Variants in OTOP1 observed in about 807,000 individuals in gnomAD.
The protein encoded by OTOP1 is proton channel OTOP1.
A neutral mutation model predicts 52.9 loss-of-function variants in OTOP1; 59 were observed. That is an observed-to-expected ratio of 1.12 (90% CI 0.91 to 1.39). The LOEUF (loss-of-function observed/expected upper bound fraction) is 1.39, where lower values mean the gene tolerates loss of function less well. Among genes scored for constraint, OTOP1 ranks in the 40% most tolerant of loss-of-function variants. OTOP1 has a pLI of 0.00. For synonymous variants in OTOP1, 317 were observed against 337.7 expected (o/e 0.94, Z 0.67); for missense variants, 761 against 800.9 (o/e 0.95, Z 0.60).
Position 4,211,647 on chromosome 4 carries a change from C to T in OTOP1, c.540+1221G>A, listed in dbSNP as rs376658877. 1.3e-3 allele frequency among the ~76,000 whole-genome samples: 202 copies of T among 152,300 alleles called. 3 individuals are homozygous for T. The South Asian group carries it at 0.039, about 29-fold the overall frequency. ...GGGCATGGTGATGTGGGCCTGTAGT[C>T]CTACCTGCTAGGGAGACTGAGGCAG... On this transcript the variant is annotated intron_variant, in intron 2 of 5. Transcript: ENST00000296358.
At chr4:4,210,406 C>T (rs556486377) in intron 2 of OTOP1, among the ~76,000 whole-genome samples, 1 of 152,268 alleles carries the variant, frequency 6.6e-6, no homozygotes, top group Admixed American at 6.5e-5. Context: ...CGTCCTGAGG[C>T]TAGAAATCCA....
chr4:4,222,064 A>G (rs1252669071), intron 1 of OTOP1, among the ~76,000 whole-genome samples: 1 of 152,168 alleles, frequency 6.6e-6, no homozygotes, highest in African/African-American at 2.4e-5. Flanking sequence ...TCATTCAATT[A>G]TTTAGTAGAC....
chr4:4,199,054 G>A (rs1716716631), intron 4 of OTOP1, among the ~76,000 whole-genome samples: 1 of 152,010 alleles, frequency 6.6e-6, no homozygotes, highest in Admixed American at 6.6e-5. Context: ...AGCCAGGTGT[G>A]GTGGCAAGCC....
chr4:4,201,469 T>TACACACACAC lies in OTOP1; in HGVS notation c.730+978_730+979insGTGTGTGTGT, dbSNP rs564159690. 9.6e-3 allele frequency among the ~76,000 whole-genome samples: 1,320 copies of TACACACACAC among 137,550 alleles called. 26 individuals carry two copies. Among genetic ancestry groups the TACACACACAC allele is most frequent in the African/African-American group, 0.033 (1,199 of 36,046 alleles). 90.2% of individuals were successfully genotyped at this position (137,550 alleles called of 152,430 possible). A position where few individuals can be genotyped will look rare whatever the true frequency, so the allele number is the denominator to read the frequency against. On this transcript the variant is annotated intron_variant, in intron 4 of 5. Coordinates refer to ENST00000296358, the MANE Select transcript of OTOP1 (RefSeq NM_177998.3). Reference sequence around the variant, plus strand: ...TAGAATAAATAAATAAATATATATATATACACACACACACACACACACACA... The same window carrying TACACACACAC: ...TAGAATAAATAAATAAATATATATATACACACACACATACACACACACACACACACACACA...
chr4:4,197,197 A>G lies in OTOP1; in HGVS notation c.1637T>C (p.Ile546Thr). 3 of 1,612,616 alleles carry G rather than the reference A, an allele frequency of 1.9e-6. No individual in the cohort carries two copies. The highest frequency in any genetic ancestry group is 2.5e-6 in the Non-Finnish European group (3 of 1,179,220). The change falls in exon 5 of 6, where the codon ATT becomes ACT. Residue 546 changes from isoleucine (I) to threonine (T), a missense_variant. Ile to Thr is a moderately conservative substitution (Grantham distance 89). Transcript: ENST00000296358. ...GNAKRKVLRNIAAFLFLCNIS... is the reference protein window; with the variant it reads ...GNAKRKVLRNTAAFLFLCNIS... ...ATTGCAGAGGAACAAGAAGGCTGCA[A>G]TATTCCTCAGGACTTTTCTCTTGGC...
chr4:4,198,125 C>T, intron 4 of OTOP1, 22 bp from the exon 5 acceptor site: 1 of 1,580,766 alleles, frequency 6.3e-7, no homozygotes, highest in Non-Finnish European at 8.7e-7. Context: ...AGGTAGATCA[C>T]ACAGGAGGGC....
Position 4,212,961 on chromosome 4 carries a change from G to C in OTOP1, c.447C>G (p.Cys149Trp), listed in dbSNP as rs746564651. 6.8e-6 allele frequency: 11 copies of C among 1,613,912 alleles called. No homozygotes were observed. In the Admixed American group the frequency reaches 1.8e-4, roughly 27 times the overall value. The change falls in exon 2 of 6, where the codon TGC (cysteine) becomes TGG (tryptophan). Residue 149 changes from cysteine (C) to tryptophan (W), a missense_variant. This residue lies in a region of OTOP1 where 632 missense variants were observed against 619.5 expected (regional missense o/e 1.02). Transcript: ENST00000296358. ...LFAVITVILGCLKIGYFIGFS... is the reference protein window; with the variant it reads ...LFAVITVILGWLKIGYFIGFS... ...ATCCAATGAAGTATCCAATTTTAAG[G>C]CATCCCAGGATGACGGTAATGACTG...
chr4:4,201,059 G>C (rs1490116530), intron 4 of OTOP1, among the ~76,000 whole-genome samples: 1 of 152,106 alleles, frequency 6.6e-6, no homozygotes, highest in South Asian at 2.1e-4. Context: ...ATCATGGCTC[G>C]ATCACGTGTT....
chr4:4,217,575 T>C (rs1717179342), intron 1 of OTOP1, among the ~76,000 whole-genome samples: 1 of 152,140 alleles, frequency 6.6e-6, no homozygotes, highest in Non-Finnish European at 1.5e-5. Flanking sequence ...TAAAGGTCAA[T>C]AAAATAGAGT....
At chr4:4,197,093 T>C (rs760761279) in intron 5 of OTOP1, 73 bp downstream of exon 5, 41 of 1,436,146 alleles carry the variant, frequency 2.9e-5, no homozygotes, top group Admixed American at 1.2e-4. Context: ...CAAATCTGCA[T>C]GTGTACCCCT....
chr4:4,199,022 C>A (rs1262361226), intron 4 of OTOP1, among the ~76,000 whole-genome samples: 4 of 152,048 alleles, frequency 2.6e-5, no homozygotes, highest in African/African-American at 9.7e-5. Context: ...GAAACCTCGT[C>A]TCTATTAAAA....
At chr4:4,220,734 C>T (rs1211628582) in intron 1 of OTOP1, among the ~76,000 whole-genome samples, 3 of 152,154 alleles carry the variant, frequency 2.0e-5, no homozygotes, top group Admixed American at 6.5e-5. Context: ...TTACCAGCTA[C>T]AATACTTGAG....
At chr4:4,224,854 AAGTGAGGAGT>A (rs57714450) in intron 1 of OTOP1, among the ~76,000 whole-genome samples, 66,783 of 151,884 alleles carry the variant, frequency 0.44, 14,763 homozygotes, top group African/African-American at 0.48. Flanking sequence ...TGGCCCATAG[AAGTGAGGAGT>A]AATTCCTGCC....
In OTOP1 at chr4:4,197,171, T is replaced by C. The variant is rs774264922; in HGVS notation, c.1663A>G (p.Ile555Val). 7.5e-6 allele frequency: 12 copies of C among 1,599,712 alleles called. No individual in the cohort carries two copies. Among genetic ancestry groups the C allele is most frequent in the Non-Finnish European group, 1.0e-5 (12 of 1,171,966 alleles). Residue 555 changes from isoleucine to valine, a missense_variant, in exon 5 of 6, where the codon ATT becomes GTT. Physicochemically the swap from Ile to Val is conservative, Grantham distance 29. Coordinates refer to ENST00000296358, the MANE Select transcript of OTOP1 (RefSeq NM_177998.3). ...AATAACTTGGTGCAGATTACCGAAA[T>C]ATTGCAGAGGAACAAGAAGGCTGCA... Reference protein sequence around the residue: ...NIAAFLFLCNISLWIPPAFGC... With the variant: ...NIAAFLFLCNVSLWIPPAFGC...
At chr4:4,208,696 T>C (rs946646038) in intron 2 of OTOP1, among the ~76,000 whole-genome samples, 1 of 152,028 alleles carries the variant, frequency 6.6e-6, no homozygotes, top group African/African-American at 2.4e-5. Flanking sequence ...CTCAGATTGG[T>C]TGTACAACAA....
chr4:4,196,366 A>G (rs1402550101), intron 5 of OTOP1, among the ~76,000 whole-genome samples: 1 of 152,132 alleles, frequency 6.6e-6, no homozygotes, highest in Non-Finnish European at 1.5e-5. Flanking sequence ...AGCCTGGCCA[A>G]CATGGTGAAA....
intron 1 of OTOP1, among the ~76,000 whole-genome samples, chr4:4,222,434 G>A (rs1003598625): frequency 3.3e-5 from 5 of 151,894 alleles, no homozygotes; most frequent in African/African-American, 9.7e-5. Flanking sequence ...TCCTCCTGCC[G>A]CCACTCTTTC....
At chr4:4,197,129 A>C in intron 5 of OTOP1, 37 bp downstream of exon 5, 3 of 1,543,678 alleles carry the variant, frequency 1.9e-6, no homozygotes, top group Non-Finnish European at 2.6e-6. Context: ...AGTTTAAAGT[A>C]AAATTAAAAG....
chr4:4,197,071 T>C lies in OTOP1; in HGVS notation c.1668+95A>G, dbSNP rs1195433399. 2.3e-6 allele frequency: 3 copies of C among 1,284,168 alleles called. No homozygotes were observed. The African/African-American group carries it at 4.5e-5, about 19-fold the overall frequency. 79.5% of individuals were successfully genotyped at this position (1,284,168 alleles called of 1,614,324 possible). On this transcript the variant is annotated intron_variant, in intron 5 of 5. Coordinates refer to ENST00000296358, the MANE Select transcript of OTOP1 (RefSeq NM_177998.3). The stretch of plus-strand genomic sequence containing the variant: ...GCACCAAACCTCAGCAACACGCAAT[T>C]TACCCATTTAACAAATCTGCATGTG...
Sources: allele counts gnomAD v4.1 joint callset (sites outside exome capture counted in the v4.1 genomes callset), GRCh38; gene constraint gnomAD v4.1.1; regional missense constraint gnomAD v4.1.1; transcripts MANE v1.5; gene names NCBI Gene and HGNC (gene_info 2026-07-23, HGNC 2026-07-21).